The following BANK1 variants were observed in gnomAD, a reference collection of about 807,000 sequenced individuals.
BANK1 encodes the protein B-cell scaffold protein with ankyrin repeats.
BANK1 carries 95 observed loss-of-function variants against 94.5 expected under a neutral mutation model. That is an observed-to-expected ratio of 1.00 (90% CI 0.85 to 1.19). The LOEUF is 1.19. Among genes scored for constraint, BANK1 ranks in the 50% most tolerant of loss-of-function variants. The probability of loss-of-function intolerance (pLI) is 0.00; values close to 1 mark genes in which losing one functional copy is unlikely to be tolerated. For synonymous variants in BANK1, 334 were observed against 308.4 expected, an observed-to-expected ratio of 1.08 and a Z score of -0.87; for missense variants, 987 against 932.2, an observed-to-expected ratio of 1.06 and a Z score of -0.77.
chr4:101,861,895 T>C (rs1224077052), intron 3 of BANK1, among the ~76,000 whole-genome samples: 6 of 152,218 alleles, frequency 3.9e-5, no homozygotes, highest in African/African-American at 1.2e-4. Flanking sequence ...CTTTTTCACC[T>C]TATACATTTG....
At position 101,826,166 on chromosome 4, in the gene BANK1, A is replaced by G. The variant is rs1408337811; in HGVS notation, c.71-3642A>G. ...CTCCTTGGTAGGAACCCAGACTCCC[A>G]GTAAGCCTTCACATACTGTGCATAG... On this transcript the variant is annotated intron_variant, in intron 1 of 16. Transcript: ENST00000322953. Among the ~76,000 whole-genome samples the G allele has an allele frequency of 2.0e-5, 3 of 152,210 alleles. No individual in the cohort carries two copies. The East Asian group carries it at 5.8e-4, about 29-fold the overall frequency.
At chr4:101,808,283 T>C (rs1420931084) in intron 1 of BANK1, among the ~76,000 whole-genome samples, 2 of 152,158 alleles carry the variant, frequency 1.3e-5, no homozygotes, top group African/African-American at 2.4e-5. Flanking sequence ...AATAAGGTTC[T>C]AGTTTTTTAA....
At chr4:101,951,193 G>A (rs2851331) in intron 7 of BANK1, among the ~76,000 whole-genome samples, 134,956 of 152,140 alleles carry the variant, frequency 0.89, 60,382 homozygotes, top group Non-Finnish European at 0.95. Context: ...GAAACTGGGT[G>A]TGAAATATAA....
At chr4:102,016,331 T>C (rs1176137657) in intron 7 of BANK1, among the ~76,000 whole-genome samples, 1 of 152,212 alleles carries the variant, frequency 6.6e-6, no homozygotes, top group Non-Finnish European at 1.5e-5. Context: ...GTGGGTATCC[T>C]GTATTTCCTG....
chr4:102,007,508 C>T (rs900878413), intron 7 of BANK1, among the ~76,000 whole-genome samples: 2 of 151,702 alleles, frequency 1.3e-5, no homozygotes, highest in Non-Finnish European at 2.9e-5. Flanking sequence ...TAATAGGGGG[C>T]CAGGGAAACA....
chr4:102,030,216 A>G lies in BANK1; in HGVS notation c.1851A>G (p.Arg617=). The part of the protein sequence containing the change: ...IINRPPAPTP[R]PTSIPPKEET... ...ATAGACCTCCTGCCCCCACACCCCGACCCACAAGTATACCTCCAAAAGAGG... is the reference window on the plus strand; with the variant it reads ...ATAGACCTCCTGCCCCCACACCCCGGCCCACAAGTATACCTCCAAAAGAGG... Residue 617 remains arginine (R), a synonymous_variant, in exon 10 of 17, where the codon CGA becomes CGG. Coordinates refer to ENST00000322953, the MANE Select transcript of BANK1 (RefSeq NM_017935.5). The G allele has an allele frequency of 6.2e-7, 1 of 1,611,482 alleles. No homozygotes were observed.
rs72929964 is a variant in BANK1, at chr4:102,013,782, T to C, written c.1207-7732T>C. On this transcript the variant is annotated intron_variant, in intron 7 of 16. Coordinates refer to ENST00000322953, the MANE Select transcript of BANK1 (RefSeq NM_017935.5). ...GAACACATCTGATCTTCACTCAACA[T>C]TATAATTGAATATAAATTTTCACAT... Among the ~76,000 whole-genome samples, 1,008 of 152,154 alleles carry C rather than the reference T, an allele frequency of 6.6e-3. 12 individuals are homozygous for C. The highest frequency in any genetic ancestry group is 0.023 in the African/African-American group (944 of 41,546).
chr4:102,025,531 A>G (rs1304874379), intron 9 of BANK1, 22 bp downstream of exon 9: 54 of 1,599,648 alleles, frequency 3.4e-5, no homozygotes, highest in Non-Finnish European at 4.3e-5. Context: ...GTTAGAAAAA[A>G]ACAAAACAAA....
intron 5 of BANK1, among the ~76,000 whole-genome samples, chr4:101,876,102 C>G (rs1728480443): frequency 6.6e-6 from 1 of 152,122 alleles, no homozygotes; most frequent in Non-Finnish European, 1.5e-5. Flanking sequence ...GAATAGGGAA[C>G]CCACTGCCTT....
intron 7 of BANK1, among the ~76,000 whole-genome samples, chr4:102,010,074 G>C (rs950271447): frequency 4.6e-5 from 7 of 151,404 alleles, no homozygotes; most frequent in Non-Finnish European, 8.8e-5. Context: ...AGACCATCCT[G>C]GCTAACACGG....
chr4:101,890,626 TTATA>T (rs1262241467), intron 5 of BANK1, among the ~76,000 whole-genome samples: 1 of 148,836 alleles, frequency 6.7e-6, no homozygotes, highest in African/African-American at 2.4e-5. Context: ...TAAATAAATT[TTATA>T]ATTATTATTA....
chr4:101,870,228 TAGTA>T (rs567804033), intron 4 of BANK1, among the ~76,000 whole-genome samples: 52 of 152,128 alleles, frequency 3.4e-4, no homozygotes, highest in Non-Finnish European at 7.1e-4. Flanking sequence ...AAAGTTATAC[TAGTA>T]AGTAAGTAGG....
chr4:101,962,013 G>A (rs1245163280), intron 7 of BANK1, among the ~76,000 whole-genome samples: 1 of 151,998 alleles, frequency 6.6e-6, no homozygotes, highest in Non-Finnish European at 1.5e-5. Context: ...TTTTTTTCGT[G>A]CCTCCCTGGT....
At chr4:102,058,300 A>G (rs1164287782) in intron 11 of BANK1, among the ~76,000 whole-genome samples, 2 of 152,116 alleles carry the variant, frequency 1.3e-5, no homozygotes, top group African/African-American at 4.8e-5. Flanking sequence ...AAATACTTGT[A>G]AAGAGAAATT....
chr4:101,853,677 T>C (rs1727577226), intron 2 of BANK1, among the ~76,000 whole-genome samples: 1 of 152,136 alleles, frequency 6.6e-6, no homozygotes, highest in African/African-American at 2.4e-5. Context: ...GACATATTAA[T>C]GGAATATTAA....
chr4:101,793,837 AGTT>A (rs1725069200), intron 1 of BANK1, among the ~76,000 whole-genome samples: 2 of 152,132 alleles, frequency 1.3e-5, no homozygotes, highest in African/African-American at 4.8e-5. Flanking sequence ...TATACATGCT[AGTT>A]GTTATATTAA....
intron 7 of BANK1, among the ~76,000 whole-genome samples, chr4:102,019,083 C>T (rs1726809959): frequency 6.6e-6 from 1 of 152,000 alleles, no homozygotes; most frequent in Admixed American, 6.6e-5. Flanking sequence ...CTGCTCTGAT[C>T]ATCTGTTTCT....
chr4:101,816,310 A>G (rs772230631), intron 1 of BANK1, among the ~76,000 whole-genome samples: 4 of 152,200 alleles, frequency 2.6e-5, no homozygotes, highest in Non-Finnish European at 5.9e-5. Flanking sequence ...TTTAGTTTGT[A>G]TATTTAATTC....
At position 101,973,313 on chromosome 4, in the gene BANK1, ATT is replaced by A. The variant is rs1725015536; in HGVS notation, c.1207-48197_1207-48196del. Among the ~76,000 whole-genome samples the A allele has an allele frequency of 1.3e-5, 2 of 151,888 alleles. 1 individual carries two copies. The highest frequency in any genetic ancestry group is 4.1e-4 in the South Asian group (2 of 4,832). On this transcript the variant is annotated intron_variant, in intron 7 of 16. Transcript: ENST00000322953. The stretch of plus-strand genomic sequence containing the variant: ...TAATTAAAAACTACAGCCATCATAG[ATT>A]TTTACTTTATTTATACAAATAACAT...
Sources: gnomAD v4.1 joint callset for allele counts (sites outside exome capture counted in the v4.1 genomes callset) on GRCh38, gnomAD v4.1.1 for gene constraint, MANE v1.5 for transcripts, NCBI Gene and HGNC (gene_info 2026-07-23, HGNC 2026-07-21) for gene names.